The following NRG1 variants were observed in gnomAD, a reference collection of about 807,000 sequenced individuals.
The protein encoded by NRG1 is pro-neuregulin-1, membrane-bound isoform.
A neutral mutation model predicts 63.8 loss-of-function variants in NRG1; 18 were observed. That is an observed-to-expected ratio of 0.28 (90% CI 0.19 to 0.42). The LOEUF (loss-of-function observed/expected upper bound fraction) is 0.42, where lower values mean the gene tolerates loss of function less well. Ranked by LOEUF, NRG1 falls within the 10% of genes least tolerant of loss-of-function variation. The pLI is 1.00. For missense variants in NRG1, 762 were observed against 814.7 expected (o/e 0.94, Z 0.79); for synonymous variants, 302 against 301.3 (o/e 1.00, Z -0.02).
At chr8:32,392,767 G>A (rs964124613) in intron 1 of NRG1, among the ~76,000 whole-genome samples, 2 of 152,094 alleles carry the variant, frequency 1.3e-5, no homozygotes, top group Non-Finnish European at 2.9e-5. Context: ...TGATGATTTG[G>A]GAGTGATAAA....
At chr8:32,718,172 TG>T (rs1319709561) in intron 5 of NRG1, among the ~76,000 whole-genome samples, 1 of 152,184 alleles carries the variant, frequency 6.6e-6, no homozygotes, top group Non-Finnish European at 1.5e-5. Flanking sequence ...ATATTGAGAA[TG>T]GGCCTCAGTT....
At chr8:32,456,461 A>G (rs914368932) in intron 1 of NRG1, among the ~76,000 whole-genome samples, 9 of 152,202 alleles carry the variant, frequency 5.9e-5, no homozygotes, top group Non-Finnish European at 1.3e-4. Context: ...TCTGCCACCC[A>G]TGAGAGAGCA....
intron 1 of NRG1, among the ~76,000 whole-genome samples, chr8:31,877,484 T>G (rs1830018567): frequency 7.5e-6 from 1 of 133,466 alleles, no homozygotes; most frequent in African/African-American, 2.8e-5. Flanking sequence ...CATGTATGTA[T>G]GTGTGTGTGT....
intron 1 of NRG1, among the ~76,000 whole-genome samples, chr8:32,177,716 C>A (rs929473163): frequency 3.8e-4 from 58 of 151,874 alleles, no homozygotes; most frequent in African/African-American, 1.3e-3. Flanking sequence ...GGCTTTAGAC[C>A]TAAATCCATC....
intron 1 of NRG1, among the ~76,000 whole-genome samples, chr8:32,567,692 G>A (rs1837723806): frequency 6.6e-6 from 1 of 152,206 alleles, no homozygotes; most frequent in South Asian, 2.1e-4. Flanking sequence ...GCACTCTTAA[G>A]TTGCTGTTTC....
chr8:32,461,862 A>G (rs1822361664), intron 1 of NRG1, among the ~76,000 whole-genome samples: 1 of 152,186 alleles, frequency 6.6e-6, no homozygotes, highest in African/African-American at 2.4e-5. Flanking sequence ...ATAGCCTTAG[A>G]TATCTAATAA....
chr8:32,647,133 C>A (rs961472558), intron 5 of NRG1: 57 of 985,328 alleles, frequency 5.8e-5, no homozygotes, highest in Non-Finnish European at 6.6e-5. Context: ...AGTGATGCTC[C>A]GAGGGCAGGC....
chr8:32,613,785 A>G (rs79162178), intron 3 of NRG1, among the ~76,000 whole-genome samples: 2,970 of 152,184 alleles, frequency 0.02, 98 homozygotes, highest in African/African-American at 0.068. Context: ...GATTCTGCCA[A>G]ACTGAAGCCC....
intron 1 of NRG1, among the ~76,000 whole-genome samples, chr8:31,840,821 TAAAG>T (rs1216498437): frequency 6.6e-6 from 1 of 151,966 alleles, no homozygotes; most frequent in Non-Finnish European, 1.5e-5. Context: ...AGGACACAAA[TAAAG>T]AGAGAGAAGG....
intron 1 of NRG1, among the ~76,000 whole-genome samples, chr8:32,120,942 T>G (rs1833366817): frequency 6.6e-6 from 1 of 152,030 alleles, no homozygotes; most frequent in African/African-American, 2.4e-5. Context: ...TTGGAAGACA[T>G]GTAGGCAAAC....
chr8:32,045,761 A>G (rs140660751), intron 1 of NRG1, among the ~76,000 whole-genome samples: 1 of 152,148 alleles, frequency 6.6e-6, no homozygotes, highest in Non-Finnish European at 1.5e-5. Context: ...ATTGGTATAC[A>G]GAAGAAAATG....
At chr8:31,829,435 A>G (rs1185396352) in intron 1 of NRG1, among the ~76,000 whole-genome samples, 3 of 152,220 alleles carry the variant, frequency 2.0e-5, no homozygotes, top group African/African-American at 7.2e-5. Flanking sequence ...TTATCACAGC[A>G]ACTGGACATT....
chr8:32,490,646 G>A (rs1206577580), intron 1 of NRG1, among the ~76,000 whole-genome samples: 1 of 152,156 alleles, frequency 6.6e-6, no homozygotes, highest in Admixed American at 6.6e-5. Context: ...TGTTAGAGCT[G>A]AAGGACACCT....
intron 1 of NRG1, among the ~76,000 whole-genome samples, chr8:31,691,521 G>C (rs1412763992): frequency 6.7e-6 from 1 of 149,896 alleles, no homozygotes; most frequent in Non-Finnish European, 1.5e-5. Context: ...CATGAACCCG[G>C]GAGGCGGAGC....
chr8:31,858,396 A>C (rs1828145601), intron 1 of NRG1, among the ~76,000 whole-genome samples: 1 of 152,204 alleles, frequency 6.6e-6, no homozygotes, highest in Non-Finnish European at 1.5e-5. Flanking sequence ...AAAAAGCTTG[A>C]TAAGTGGATG....
chr8:31,802,812 G>A lies in NRG1; in HGVS notation c.37+163381G>A, dbSNP rs141024740. 3.0e-4 allele frequency among the ~76,000 whole-genome samples: 46 copies of A among 152,270 alleles called. 1 individual carries two copies. In the East Asian group the frequency reaches 8.7e-3, roughly 29 times the overall value. ...GTTTTGGGGATCATTCCAAATGCAG[G>A]GAACAATATGGATCTGTGATACTTG... On this transcript the variant is annotated intron_variant, in intron 1 of 10. Coordinates refer to the NRG1 transcript ENST00000519301.
chr8:31,991,378 C>T (rs201592305), intron 1 of NRG1, among the ~76,000 whole-genome samples: 1 of 149,262 alleles, frequency 6.7e-6, no homozygotes, highest in South Asian at 2.1e-4. Flanking sequence ...CCTCCTCCTC[C>T]TCTTCTTCTG....
chr8:31,773,484 A>T (rs1818827134), intron 1 of NRG1, among the ~76,000 whole-genome samples: 1 of 152,210 alleles, frequency 6.6e-6, no homozygotes, highest in Non-Finnish European at 1.5e-5. Context: ...ACCTAGCTCA[A>T]ACCATCATAG....
intron 5 of NRG1, among the ~76,000 whole-genome samples, chr8:32,694,167 G>T (rs947880288): frequency 1.3e-5 from 2 of 152,124 alleles, no homozygotes; most frequent in Non-Finnish European, 2.9e-5. Flanking sequence ...TGCCTGTCAC[G>T]TCTAGAATCT....
Sources: gnomAD v4.1 joint callset for allele counts (sites outside exome capture counted in the v4.1 genomes callset) on GRCh38, gnomAD v4.1.1 for gene constraint, MANE v1.5 for transcripts, NCBI Gene and HGNC (gene_info 2026-07-23, HGNC 2026-07-21) for gene names.